Variants in OLFML1 observed in about 807,000 individuals in gnomAD.
OLFML1 encodes olfactomedin like 1.
OLFML1 carries 33 observed loss-of-function variants against 37.3 expected under a neutral mutation model. The ratio of observed to expected loss-of-function variants is 0.88; its 90% CI spans 0.67 to 1.18. OLFML1 has a LOEUF of 1.18. OLFML1 is among the 50% of genes most tolerant of loss of function. The pLI is 0.00. For missense variants in OLFML1, 545 were observed against 483.7 expected (o/e 1.13, Z -1.19); for synonymous variants, 186 against 181.3 (o/e 1.03, Z -0.21).
rs1477099269 is a variant in OLFML1 at position 7,510,063 on chromosome 11, C to T, written c.1084C>T (p.Pro362Ser). Residue 362 changes from proline to serine, a missense_variant, in exon 3 of 3, where the codon CCC (proline) becomes TCC (serine). Pro to Ser is a moderately conservative substitution (Grantham distance 74, BLOSUM62 -1). Coordinates refer to ENST00000329293, the MANE Select transcript of OLFML1 (RefSeq NM_198474.4). Reference sequence around the variant, plus strand: ...GGAGGACTTGCCCAACTTGTTCTTCCCCAAGAGACCAAGAAGTCACTCCAT... The same window carrying T: ...GGAGGACTTGCCCAACTTGTTCTTCTCCAAGAGACCAAGAAGTCACTCCAT... The part of the protein sequence containing the change: ...SEEDLPNLFF[P>S]KRPRSHSMIH... The T allele has an allele frequency of 6.2e-7, 1 of 1,614,204 alleles. No homozygotes were observed. The highest frequency in any genetic ancestry group is 1.7e-5 in the Admixed American group (1 of 60,028).
In OLFML1 at chr11:7,485,800, A is replaced by T. The variant is rs544113251; in HGVS notation, c.-76A>T. 45 of 1,457,898 alleles carry T rather than the reference A, an allele frequency of 3.1e-5. No homozygotes were observed. The highest frequency in any genetic ancestry group is 4.3e-5 in the Non-Finnish European group (45 of 1,056,004). The allele number at this position is 1,457,898 out of a possible 1,614,324, so 90.3% of individuals were successfully genotyped here. On this transcript the variant is annotated 5_prime_UTR_variant, in exon 1 of 3. Coordinates refer to ENST00000329293, the MANE Select transcript of OLFML1 (RefSeq NM_198474.4). Reference sequence around the variant, plus strand: ...GCCACAGCAGCGGATAGAGCAGGAGAGCACCACCGGAGCCCTTGAGACATC... The same window carrying T: ...GCCACAGCAGCGGATAGAGCAGGAGTGCACCACCGGAGCCCTTGAGACATC...
intron 2 of OLFML1, among the ~76,000 whole-genome samples, chr11:7,498,387 A>T (rs1205520772): frequency 6.6e-6 from 1 of 152,162 alleles, no homozygotes; most frequent in Non-Finnish European, 1.5e-5. Context: ...GTGACTAGTG[A>T]CTAGTGTGAT....
At position 7,510,929 on chromosome 11, in the gene OLFML1, T is replaced by C. The variant is rs533251351; in HGVS notation, c.*741T>C. 1 of 152,270 alleles carries C rather than the reference T, an allele frequency of 6.6e-6. No individual in the cohort carries two copies. Among genetic ancestry groups the C allele is most frequent in the Admixed American group, 6.5e-5 (1 of 15,300 alleles). 9.4% of individuals were successfully genotyped at this position (152,270 alleles called of 1,614,324 possible). ...TGAATATCGCTTTCCAGGTGTGGAG[T>C]GTTTGCACATCATTTAATTCTCGTT... On this transcript the variant is annotated 3_prime_UTR_variant, in exon 3 of 3. Coordinates refer to ENST00000329293, the MANE Select transcript of OLFML1 (RefSeq NM_198474.4).
intron 2 of OLFML1, among the ~76,000 whole-genome samples, chr11:7,501,940 A>G (rs1403462724): frequency 6.6e-6 from 1 of 152,222 alleles, no homozygotes; most frequent in African/African-American, 2.4e-5. Context: ...GAAGCCTAGG[A>G]GCGGGAGAGA....
chr11:7,509,291 G>A (rs920365980), intron 2 of OLFML1, 107 bp from the exon 3 acceptor site: 19 of 798,548 alleles, frequency 2.4e-5, no homozygotes, highest in Non-Finnish European at 3.7e-5. Context: ...TTCCCCATCA[G>A]TATTAGACCT....
chr11:7,504,824 T>G (rs1848766081), intron 2 of OLFML1: 1 of 152,392 alleles, frequency 6.6e-6, no homozygotes, highest in African/African-American at 2.4e-5. Context: ...CCAGTCTTCT[T>G]TCCTTCATCC....
chr11:7,492,080 A>G (rs1419474189), intron 2 of OLFML1, among the ~76,000 whole-genome samples: 2 of 152,172 alleles, frequency 1.3e-5, no homozygotes, highest in Non-Finnish European at 2.9e-5. Flanking sequence ...GCCCACACTC[A>G]AGGGAAGGGA....
chr11:7,487,367 T>C (rs1225208624), intron 1 of OLFML1, among the ~76,000 whole-genome samples: 2 of 152,204 alleles, frequency 1.3e-5, no homozygotes, highest in Non-Finnish European at 1.5e-5. Flanking sequence ...GGGTCTCTCT[T>C]TCTGTCTTTC....
At chr11:7,495,799 T>C (rs117134464) in intron 2 of OLFML1, among the ~76,000 whole-genome samples, 2,715 of 152,310 alleles carry the variant, frequency 0.018, 37 homozygotes, top group Middle Eastern at 0.037. Flanking sequence ...AGGTCGACAC[T>C]ATTACAGCTC....
chr11:7,510,098 C>T lies in OLFML1; in HGVS notation c.1119C>T (p.Tyr373=), dbSNP rs1012703298. ...CAAGAAGTCACTCCATGATCCATTA[C>T]AACCCCAGAGATAAGCAGCTCTATG... ...KRPRSHSMIH[Y]NPRDKQLYAW... The change falls in exon 3 of 3, where the codon TAC becomes TAT. Residue 373 remains tyrosine, a synonymous_variant. Coordinates refer to ENST00000329293, the MANE Select transcript of OLFML1 (RefSeq NM_198474.4). 1 of 1,614,210 alleles carries T rather than the reference C, an allele frequency of 6.2e-7. No individual in the cohort carries two copies. Among genetic ancestry groups the T allele is most frequent in the Non-Finnish European group, 8.5e-7 (1 of 1,180,032 alleles).
chr11:7,490,096 T>A (rs550639604), intron 2 of OLFML1, among the ~76,000 whole-genome samples: 1 of 112,564 alleles, frequency 8.9e-6, no homozygotes, highest in African/African-American at 3.5e-5. Flanking sequence ...GATGTAGGGA[T>A]TGTCAACACA....
intron 2 of OLFML1, among the ~76,000 whole-genome samples, chr11:7,491,834 C>T (rs1295973070): frequency 4.9e-5 from 6 of 121,868 alleles, no homozygotes; most frequent in Admixed American, 8.0e-5. Context: ...GCCATAGGCA[C>T]TGCACAACAC....
At chr11:7,495,201 C>T (rs934297155) in intron 2 of OLFML1, among the ~76,000 whole-genome samples, 4 of 152,154 alleles carry the variant, frequency 2.6e-5, no homozygotes, top group African/African-American at 4.8e-5. Context: ...AAAGCCTCCT[C>T]GCTGACCTTC....
chr11:7,510,410 A>C lies in OLFML1; in HGVS notation c.*222A>C. 1 of 498,442 alleles carries C rather than the reference A, an allele frequency of 2.0e-6. No individual in the cohort carries two copies. The highest frequency in any genetic ancestry group is 3.6e-6 in the Non-Finnish European group (1 of 281,504). 30.9% of individuals were successfully genotyped at this position (498,442 alleles called of 1,614,324 possible). A position where few individuals can be genotyped will look rare whatever the true frequency, so the allele number is the denominator to read the frequency against. On this transcript the variant is annotated 3_prime_UTR_variant, in exon 3 of 3. Coordinates refer to ENST00000329293, the MANE Select transcript of OLFML1 (RefSeq NM_198474.4). ...CAGGAAAGTTTCAACAATGTCCATT[A>C]CTCCCCCAAACCTCCTGGCTCTCAA...
chr11:7,499,783 G>C (rs1243572998), intron 2 of OLFML1, among the ~76,000 whole-genome samples: 2 of 152,174 alleles, frequency 1.3e-5, no homozygotes, highest in Non-Finnish European at 2.9e-5. Context: ...TTTCTCCAAG[G>C]GTTCTGCATT....
At chr11:7,493,671 C>T (rs1172766212) in intron 2 of OLFML1, among the ~76,000 whole-genome samples, 5 of 152,152 alleles carry the variant, frequency 3.3e-5, no homozygotes, top group South Asian at 2.1e-4. Context: ...GAAAGGCCCA[C>T]GTACATAGCA....
Position 7,510,022 on chromosome 11 carries a change from T to C in OLFML1, c.1043T>C (p.Leu348Pro). The C allele has an allele frequency of 6.2e-7, 1 of 1,614,244 alleles. No individual in the cohort carries two copies. Among genetic ancestry groups the C allele is most frequent in the South Asian group, 1.1e-5 (1 of 91,088 alleles). The change falls in exon 3 of 3, where the codon CTG becomes CCG. Residue 348 changes from leucine (L) to proline (P), a missense_variant. Leu to Pro is a moderately conservative substitution (Grantham distance 98, BLOSUM62 -3). Coordinates refer to ENST00000329293, the MANE Select transcript of OLFML1 (RefSeq NM_198474.4). ...CGCATCACCTGCATCTATGATCCAC[T>C]GGGCACTATCAGTGAGGAGGACTTG... ...PHRITCIYDP[L>P]GTISEEDLPN...
intron 2 of OLFML1, among the ~76,000 whole-genome samples, chr11:7,495,550 C>T (rs1400070376): frequency 1.3e-5 from 2 of 152,158 alleles, no homozygotes; most frequent in East Asian, 1.9e-4. Context: ...CATCTCGTGC[C>T]GCTGCTGCCT....
At position 7,485,991 on chromosome 11, in the gene OLFML1, T is replaced by C. The variant is rs1848517025; in HGVS notation, c.116T>C (p.Phe39Ser). 1 of 1,613,940 alleles carries C rather than the reference T, an allele frequency of 6.2e-7. No individual in the cohort carries two copies. Among genetic ancestry groups the C allele is most frequent in the Non-Finnish European group, 8.5e-7 (1 of 1,179,886 alleles). The change falls in exon 1 of 3, where the codon TTT becomes TCT. Residue 39 changes from phenylalanine (F) to serine (S), a missense_variant. Coordinates refer to ENST00000329293, the MANE Select transcript of OLFML1 (RefSeq NM_198474.4). Reference protein sequence around the residue: ...PAMVHYIYQRFRVLEQGLEKC... With the variant: ...PAMVHYIYQRSRVLEQGLEKC... ...ATGGTGCATTACATCTACCAGCGCT[T>C]TCGAGTCTTGGAGGTAGGTGGCATC...
Sources: gnomAD v4.1 joint callset for allele counts (sites outside exome capture counted in the v4.1 genomes callset) on GRCh38, gnomAD v4.1.1 for gene constraint, MANE v1.5 for transcripts, NCBI Gene and HGNC (gene_info 2026-07-23, HGNC 2026-07-21) for gene names.